Variants in RNF138 observed in about 807,000 individuals in gnomAD.
RNF138 encodes the protein E3 ubiquitin-protein ligase RNF138.
A neutral mutation model predicts 31.0 loss-of-function variants in RNF138; 12 were observed. The ratio of observed to expected loss-of-function variants is 0.39; its 90% CI spans 0.25 to 0.63. The LOEUF (loss-of-function observed/expected upper bound fraction) is 0.63. RNF138 is among the 20% of genes least tolerant of loss of function. The pLI is 0.52. For missense variants in RNF138, 192 were observed against 300.1 expected, an observed-to-expected ratio of 0.64 and a Z score of 2.66; for synonymous variants, 105 against 99.5, an observed-to-expected ratio of 1.06 and a Z score of -0.33.
At chr18:32,121,578 T>G (rs2040306799) in intron 4 of RNF138, among the ~76,000 whole-genome samples, 1 of 152,248 alleles carries the variant, frequency 6.6e-6, no homozygotes, top group Non-Finnish European at 1.5e-5. Context: ...AATGATATTA[T>G]AGTTCTATAA....
At chr18:32,104,653 A>G (rs528726764) in intron 2 of RNF138, among the ~76,000 whole-genome samples, 2 of 152,340 alleles carry the variant, frequency 1.3e-5, no homozygotes, top group East Asian at 3.9e-4. Flanking sequence ...TTAATAGAAG[A>G]AAAACGTCAC....
chr18:32,114,675 C>T (rs1417750742), intron 4 of RNF138, among the ~76,000 whole-genome samples: 1 of 152,160 alleles, frequency 6.6e-6, no homozygotes, highest in South Asian at 2.1e-4. Flanking sequence ...CAGTAGTAAG[C>T]ACATACGTAA....
intron 7 of RNF138, among the ~76,000 whole-genome samples, chr18:32,127,340 C>A (rs935783074): frequency 3.3e-5 from 5 of 152,144 alleles, no homozygotes; most frequent in Non-Finnish European, 5.9e-5. Context: ...ATTTGTACTT[C>A]TAAATGTGTG....
intron 2 of RNF138, among the ~76,000 whole-genome samples, chr18:32,106,801 C>T (rs1393496764): frequency 6.6e-5 from 10 of 151,942 alleles, no homozygotes; most frequent in Admixed American, 1.3e-4. Context: ...TTCCTGACCT[C>T]GTGATCCGCC....
chr18:32,130,554 T>C lies in RNF138; in HGVS notation c.*1367T>C, dbSNP rs530912312. The C allele has an allele frequency of 2.0e-5, 3 of 152,584 alleles. No individual in the cohort carries two copies. The highest frequency in any genetic ancestry group is 1.3e-4 in the Admixed American group (2 of 15,296). The allele number at this position is 152,584 out of a possible 1,614,324, so 9.5% of individuals were successfully genotyped here. A position where few individuals can be genotyped will look rare whatever the true frequency, so the allele number is the denominator to read the frequency against. ...TACATTGTTTATGCTTTCTTTAAAA[T>C]AACTAGAAGAACATAAAAGAAAGAG... On this transcript the variant is annotated 3_prime_UTR_variant, in exon 8 of 8. Transcript: ENST00000261593.
chr18:32,111,186 ATAACTTTGGGTAACACC>A (rs747664225), intron 2 of RNF138, among the ~76,000 whole-genome samples: 1 of 152,258 alleles, frequency 6.6e-6, no homozygotes, highest in African/African-American at 2.4e-5. Context: ...TAACACGCAG[ATAACTTTGGGTAACACC>A]TAACTTTGGG....
At chr18:32,093,979 G>C (rs1193081561) in intron 2 of RNF138, among the ~76,000 whole-genome samples, 1 of 152,094 alleles carries the variant, frequency 6.6e-6, no homozygotes, top group Non-Finnish European at 1.5e-5. Context: ...TTTTAGTAGA[G>C]ACGGGGTTTC....
chr18:32,116,195 C>G (rs977608932), intron 4 of RNF138, among the ~76,000 whole-genome samples: 2 of 152,182 alleles, frequency 1.3e-5, no homozygotes, highest in Admixed American at 6.6e-5. Context: ...CACCTCCACA[C>G]TTTTACCAGT....
At chr18:32,096,530 A>C (rs2144560826) in intron 2 of RNF138, among the ~76,000 whole-genome samples, 1 of 152,290 alleles carries the variant, frequency 6.6e-6, no homozygotes, top group South Asian at 2.1e-4. Context: ...AAGAGCACCT[A>C]GATAGAGCCA....
rs558440569 is a variant in RNF138 at position 32,125,630 on chromosome 18, T to C, written c.561+785T>C. ...GTTTTAGTGAGTATGCTAGGAAAAG[T>C]TGTGAAAGAATGTGCTTCAGGACCG... On this transcript the variant is annotated intron_variant, in intron 6 of 7. Transcript: ENST00000261593. Among the ~76,000 whole-genome samples the C allele has an allele frequency of 3.3e-3, 496 of 152,166 alleles. 4 individuals are homozygous for C. Among genetic ancestry groups the C allele is most frequent in the African/African-American group, 0.012 (478 of 41,504 alleles).
intron 4 of RNF138, chr18:32,122,483 T>C (rs997946836): frequency 6.7e-6 from 1 of 148,872 alleles, no homozygotes; most frequent in Non-Finnish European, 1.5e-5. Flanking sequence ...ACTTATCTTA[T>C]TACTGTGTTA....
rs779136044 is a variant in RNF138 at position 32,126,726 on chromosome 18, G to A, written c.595G>A (p.Asp199Asn). Residue 199 changes from aspartate to asparagine, a missense_variant, in exon 7 of 8, where the codon GAT becomes AAT. Physicochemically the swap from Asp to Asn is conservative, Grantham distance 23. This residue lies in a region of RNF138 where 140 missense variants were observed against 251.7 expected (regional missense o/e 0.56). Coordinates refer to ENST00000261593, the MANE Select transcript of RNF138 (RefSeq NM_016271.5). ...TATTTGTGTGTCTCTTCCTTGGGGA[G>A]ATCCTAGCCAGATTACCAGAAATTT... ...CPICVSLPWG[D>N]PSQITRNFVS... The A allele has an allele frequency of 1.2e-6, 2 of 1,605,766 alleles. No homozygotes were observed. Among genetic ancestry groups the A allele is most frequent in the Admixed American group, 1.7e-5 (1 of 59,984 alleles).
intron 6 of RNF138, among the ~76,000 whole-genome samples, chr18:32,126,049 TG>T (rs1207550674): frequency 1.3e-5 from 2 of 152,220 alleles, no homozygotes; most frequent in Admixed American, 1.3e-4. Context: ...AGGTTTTTTG[TG>T]TGTTATTTCA....
chr18:32,112,292 T>A (rs1222228551), intron 3 of RNF138, among the ~76,000 whole-genome samples: 1 of 152,224 alleles, frequency 6.6e-6, no homozygotes, highest in African/African-American at 2.4e-5. Context: ...TTATTGCAGC[T>A]TTACACATAG....
chr18:32,127,114 T>A (rs1271681590), intron 7 of RNF138, among the ~76,000 whole-genome samples: 4 of 152,124 alleles, frequency 2.6e-5, no homozygotes, highest in Non-Finnish European at 5.9e-5. Context: ...ACAAGAGAAG[T>A]AAAATTGGTA....
At chr18:32,096,661 A>G (rs1004700264) in intron 2 of RNF138, among the ~76,000 whole-genome samples, 3 of 152,240 alleles carry the variant, frequency 2.0e-5, no homozygotes, top group Non-Finnish European at 4.4e-5. Context: ...GATTCAGATC[A>G]TCTGCAAATG....
chr18:32,114,462 A>G (rs1192811220), intron 4 of RNF138, among the ~76,000 whole-genome samples: 2 of 152,202 alleles, frequency 1.3e-5, no homozygotes, highest in South Asian at 2.1e-4. Context: ...AATGATTAAC[A>G]TCCAGTTACC....
At chr18:32,106,599 C>G (rs1309323691) in intron 2 of RNF138, among the ~76,000 whole-genome samples, 1 of 151,914 alleles carries the variant, frequency 6.6e-6, no homozygotes. Context: ...GAGTCTCGCT[C>G]TGTCACACAG....
chr18:32,101,836 A>G (rs1365408670), intron 2 of RNF138, among the ~76,000 whole-genome samples: 1 of 152,028 alleles, frequency 6.6e-6, no homozygotes, highest in East Asian at 1.9e-4. Flanking sequence ...ATTAAAATGT[A>G]TTTCTTTAGT....
Sources: allele counts gnomAD v4.1 joint callset (sites outside exome capture counted in the v4.1 genomes callset), GRCh38; gene constraint gnomAD v4.1.1; regional missense constraint gnomAD v4.1.1; transcripts MANE v1.5; gene names NCBI Gene and HGNC (gene_info 2026-07-23, HGNC 2026-07-21).